ALDH1A2: variants seen among roughly 807,000 people sequenced by gnomAD.
ALDH1A2 encodes the protein retinal dehydrogenase 2.
Under a neutral mutation model 60.3 loss-of-function variants are expected in ALDH1A2, and 27 were observed. That is an observed-to-expected ratio of 0.45 (90% CI 0.33 to 0.62). The LOEUF (loss-of-function observed/expected upper bound fraction) is 0.62, where lower values mean the gene tolerates loss of function less well. Ranked by LOEUF, ALDH1A2 falls within the 20% of genes least tolerant of loss-of-function variation. The pLI is 0.02. For missense variants in ALDH1A2, 581 were observed against 643.8 expected, an observed-to-expected ratio of 0.90 and a Z score of 1.06; for synonymous variants, 289 against 232.4, an observed-to-expected ratio of 1.24 and a Z score of -2.21.
intron 4 of ALDH1A2, among the ~76,000 whole-genome samples, chr15:58,002,939 A>C (rs1321136852): frequency 6.6e-6 from 1 of 151,836 alleles, no homozygotes; most frequent in African/African-American, 2.4e-5. Context: ...TATGATGATA[A>C]ACTCTATAAA....
At chr15:57,957,120 C>T (rs535075394) in intron 12 of ALDH1A2, among the ~76,000 whole-genome samples, 8 of 152,082 alleles carry the variant, frequency 5.3e-5, no homozygotes, top group South Asian at 2.1e-4. Context: ...TAGAGCAGCA[C>T]GACTGAGGAG....
chr15:57,991,680 A>C (rs1894900293), intron 7 of ALDH1A2: 1 of 152,254 alleles, frequency 6.6e-6, no homozygotes, highest in Non-Finnish European at 1.5e-5. Flanking sequence ...TAGTGATTAT[A>C]TGTTGCAATA....
chr15:57,960,396 G>C (rs1340580819), intron 12 of ALDH1A2, among the ~76,000 whole-genome samples: 1 of 152,190 alleles, frequency 6.6e-6, no homozygotes, highest in East Asian at 1.9e-4. Flanking sequence ...AGGAGGGAAA[G>C]TGGGTTCTTT....
At chr15:58,046,800 A>T (rs4646576) in intron 1 of ALDH1A2, among the ~76,000 whole-genome samples, 44,855 of 151,978 alleles carry the variant, frequency 0.3, 7,092 homozygotes, top group Non-Finnish European at 0.36. Flanking sequence ...ACAGCACTTA[A>T]AATGCAGTAG....
chr15:58,054,406 T>C (rs369988350), intron 1 of ALDH1A2, among the ~76,000 whole-genome samples: 2 of 152,180 alleles, frequency 1.3e-5, no homozygotes, highest in Non-Finnish European at 2.9e-5. Flanking sequence ...GAAACATTAA[T>C]TGTGCACCCC....
chr15:58,011,729 A>G (rs988195051), intron 3 of ALDH1A2, among the ~76,000 whole-genome samples: 5 of 152,232 alleles, frequency 3.3e-5, no homozygotes, highest in Non-Finnish European at 7.3e-5. Context: ...TATAAAATGA[A>G]GCTTATTTAA....
At chr15:58,053,304 A>G (rs1896821527) in intron 1 of ALDH1A2, among the ~76,000 whole-genome samples, 1 of 152,184 alleles carries the variant, frequency 6.6e-6, no homozygotes, top group Non-Finnish European at 1.5e-5. Flanking sequence ...ATACTCCAAA[A>G]ATTGTAAAAC....
At chr15:58,032,385 T>C (rs1303074005) in intron 1 of ALDH1A2, among the ~76,000 whole-genome samples, 1 of 152,062 alleles carries the variant, frequency 6.6e-6, no homozygotes, top group East Asian at 1.9e-4. Context: ...GGGATAGCAT[T>C]AGGAGATATA....
rs1349508720 is a variant in ALDH1A2 at position 58,006,486 on chromosome 15, G to GTGTC, written c.493+4159_493+4162dup. 5.9e-5 allele frequency among the ~76,000 whole-genome samples: 9 copies of GTGTC among 152,058 alleles called. No homozygotes were observed. In the East Asian group the frequency reaches 9.7e-4, roughly 16 times the overall value. On this transcript the variant is annotated intron_variant, in intron 4 of 12. Transcript: ENST00000249750. ...TACTGCTATAGACATGCATGTGCAT[G>GTGTC]TGTCTTTTTCATATAATGAATTATT... is the stretch of plus-strand genomic sequence containing the variant.
At chr15:57,981,462 T>A (rs866884398) in intron 7 of ALDH1A2, among the ~76,000 whole-genome samples, 24 of 152,206 alleles carry the variant, frequency 1.6e-4, no homozygotes, top group Non-Finnish European at 8.8e-5. Context: ...TATTTGCAAA[T>A]GGAAGTTTCA....
Position 58,045,149 on chromosome 15 carries a change from C to T in ALDH1A2, c.117+20385G>A, listed in dbSNP as rs930002561. Among the ~76,000 whole-genome samples the T allele has an allele frequency of 5.3e-5, 8 of 151,950 alleles. No individual in the cohort carries two copies. In the East Asian group the frequency reaches 1.4e-3, roughly 26 times the overall value. ...CAGCCAACAAACATATGAAAAAATG[C>T]TCATCATTGGTCATTAGAGAAATGC... On this transcript the variant is annotated intron_variant, in intron 1 of 12. Coordinates refer to ENST00000249750, the MANE Select transcript of ALDH1A2 (RefSeq NM_003888.4).
At chr15:57,961,404 T>G (rs1445205088) in intron 10 of ALDH1A2, 110 bp from the exon 11 acceptor site, 6 of 1,323,912 alleles carry the variant, frequency 4.5e-6, no homozygotes. Context: ...ACCTTTAAGT[T>G]TAGCAGTACA....
intron 7 of ALDH1A2, among the ~76,000 whole-genome samples, chr15:57,972,588 C>CTT (rs2034262835): frequency 1.6e-5 from 2 of 124,618 alleles, no homozygotes; most frequent in South Asian, 4.2e-4. Context: ...GAATCTTTGA[C>CTT]TTAGCATAGT....
chr15:57,970,616 A>G (rs1421859831), intron 7 of ALDH1A2, among the ~76,000 whole-genome samples: 1 of 152,192 alleles, frequency 6.6e-6, no homozygotes, highest in East Asian at 1.9e-4. Context: ...TGCTCCCTGA[A>G]CACAGTTTCT....
At chr15:58,028,910 G>A (rs1178326167) in intron 1 of ALDH1A2, among the ~76,000 whole-genome samples, 24 of 152,278 alleles carry the variant, frequency 1.6e-4, no homozygotes. Context: ...CAAGTCCTTA[G>A]AGACCTACAA....
rs76705667 is a variant in ALDH1A2, at chr15:58,062,004, G to A, written c.117+3530C>T. 4.6e-5 allele frequency among the ~76,000 whole-genome samples: 7 copies of A among 152,190 alleles called. No homozygotes were observed. The East Asian group carries it at 1.4e-3, about 29-fold the overall frequency. On this transcript the variant is annotated intron_variant, in intron 1 of 12. Transcript: ENST00000249750. The stretch of plus-strand genomic sequence containing the variant: ...GAAAAGCACCCCTGTTAGGAACATG[G>A]CCACTCAAATGCCTTTTGAATTTAA...
chr15:57,961,936 AAT>A, intron 10 of ALDH1A2, 74 bp downstream of exon 10: 1 of 1,560,710 alleles, frequency 6.4e-7, no homozygotes, highest in East Asian at 2.2e-5. Context: ...CTAAAACTCT[AAT>A]ATCATCCACT....
At chr15:57,973,051 C>T (rs778225498) in intron 7 of ALDH1A2, among the ~76,000 whole-genome samples, 2 of 152,182 alleles carry the variant, frequency 1.3e-5, no homozygotes, top group African/African-American at 2.4e-5. Context: ...CTGTTAGCTA[C>T]AAACATTTGT....
At chr15:58,037,376 A>C (rs1322741151) in intron 1 of ALDH1A2, among the ~76,000 whole-genome samples, 1 of 151,682 alleles carries the variant, frequency 6.6e-6, no homozygotes, top group Non-Finnish European at 1.5e-5. Flanking sequence ...AAACAGGAAG[A>C]AGAGACTTTT....
Sources: allele counts gnomAD v4.1 joint callset (sites outside exome capture counted in the v4.1 genomes callset), GRCh38; gene constraint gnomAD v4.1.1; transcripts MANE v1.5; gene names NCBI Gene and HGNC (gene_info 2026-07-23, HGNC 2026-07-21).